The following ZC3H12D variants were observed in gnomAD, a reference collection of about 807,000 sequenced individuals.
The protein encoded by ZC3H12D is probable ribonuclease ZC3H12D.
A neutral mutation model predicts 24.2 loss-of-function variants in ZC3H12D; 11 were observed. That is an observed-to-expected ratio of 0.46 (90% confidence interval 0.29 to 0.75). The LOEUF (loss-of-function observed/expected upper bound fraction) is 0.75. ZC3H12D is among the 30% of genes least tolerant of loss of function. The pLI is 0.11. For missense variants in ZC3H12D, 740 were observed against 767.7 expected (o/e 0.96, Z 0.43); for synonymous variants, 333 against 341.8 (o/e 0.97, Z 0.28).
chr6:149,466,876 AAAAATAAAATAAAATAAAAT>A lies in ZC3H12D; in HGVS notation c.306-4926_306-4907del, dbSNP rs149349012. Among the ~76,000 whole-genome samples the A allele has an allele frequency of 8.9e-3, 1,272 of 142,950 alleles. 11 individuals carry two copies. Among genetic ancestry groups the A allele is most frequent in the African/African-American group, 0.021 (820 of 38,728 alleles). 93.8% of individuals were successfully genotyped at this position (142,950 alleles called of 152,430 possible). ...GGGTGACAGAGCAAGACTCCATCTCAAAAATAAAATAAAATAAAATAAAATAAAATAAAATAAAATAAAAT... is the reference window on the plus strand; with the variant it reads ...GGGTGACAGAGCAAGACTCCATCTCAAAAATAAAATAAAATAAAATAAAAT... On this transcript the variant is annotated intron_variant, in intron 2 of 5. Coordinates refer to ENST00000409806, the MANE Select transcript of ZC3H12D (RefSeq NM_207360.3).
At chr6:149,451,533 G>C in intron 5 of ZC3H12D, 54 bp from the exon 6 acceptor site, 1 of 1,456,682 alleles carries the variant, frequency 6.9e-7, no homozygotes, top group South Asian at 1.3e-5. Flanking sequence ...GGCGCGGAGG[G>C]GCGGTGGTTC....
chr6:149,472,915 G>A (rs1199508016), intron 2 of ZC3H12D, among the ~76,000 whole-genome samples: 1 of 152,118 alleles, frequency 6.6e-6, no homozygotes, highest in Non-Finnish European at 1.5e-5. Flanking sequence ...AGTCTTTCTA[G>A]GACCCTCAGA....
chr6:149,468,157 T>C (rs1168348881), intron 2 of ZC3H12D, among the ~76,000 whole-genome samples: 3 of 152,168 alleles, frequency 2.0e-5, no homozygotes, highest in African/African-American at 7.2e-5. Flanking sequence ...AATTTTGTAT[T>C]TTTAGTAGAG....
rs1275214340 is a variant in ZC3H12D, at chr6:149,451,227, G to A, written c.1040C>T (p.Ser347Phe). 1 of 1,303,820 alleles carries A rather than the reference G, an allele frequency of 7.7e-7. No homozygotes were observed. Among genetic ancestry groups the A allele is most frequent in the Admixed American group, 4.2e-5 (1 of 23,864 alleles). 80.8% of individuals were successfully genotyped at this position (1,303,820 alleles called of 1,614,324 possible). A position where few individuals can be genotyped will look rare whatever the true frequency, so the allele number is the denominator to read the frequency against. ...CAGGTCGTCGCTGAAGGCCAGCCGA[G>A]AGAAGCTCCCTCGCAGGGCGGCCAG... Reference protein sequence around the residue: ...PDLAALRGSFSRLAFSDDLGP... With the variant: ...PDLAALRGSFFRLAFSDDLGP... The change falls in exon 6 of 6, where the codon TCT (serine) becomes TTT (phenylalanine). Residue 347 changes from serine (S) to phenylalanine (F), a missense_variant. Coordinates refer to ENST00000409806, the MANE Select transcript of ZC3H12D (RefSeq NM_207360.3).
chr6:149,469,942 T>C (rs1232000005), intron 2 of ZC3H12D, among the ~76,000 whole-genome samples: 1 of 152,098 alleles, frequency 6.6e-6, no homozygotes, highest in Non-Finnish European at 1.5e-5. Flanking sequence ...GGAATGGTAA[T>C]GTCTGGGGGG....
Position 149,449,426 on chromosome 6 carries a change from A to T in ZC3H12D, c.*1257T>A, listed in dbSNP as rs1775839520. The T allele has an allele frequency of 6.6e-6, 1 of 151,720 alleles. No individual in the cohort carries two copies. The highest frequency in any genetic ancestry group is 2.1e-4 in the South Asian group (1 of 4,814). 9.4% of individuals were successfully genotyped at this position (151,720 alleles called of 1,614,324 possible). ...ACTACTATACTCCAGACAGAGTGACAGAGTGAGACTCTGTCTTTTTTTTTT... is the reference window on the plus strand; with the variant it reads ...ACTACTATACTCCAGACAGAGTGACTGAGTGAGACTCTGTCTTTTTTTTTT... On this transcript the variant is annotated 3_prime_UTR_variant, in exon 6 of 6. Coordinates refer to ENST00000409806, the MANE Select transcript of ZC3H12D (RefSeq NM_207360.3).
chr6:149,479,180 T>A (rs1398023797), intron 1 of ZC3H12D, among the ~76,000 whole-genome samples: 2 of 152,124 alleles, frequency 1.3e-5, no homozygotes, highest in Admixed American at 1.3e-4. Context: ...GACAATATAG[T>A]GAGATCCCAT....
chr6:149,456,781 C>T lies in ZC3H12D; in HGVS notation c.565G>A (p.Glu189Lys), dbSNP rs1448496988. Reference sequence around the variant, plus strand: ...TTGGAGACGATGACGCCGTCCTGCTCGTAGGCCACCTTCACGATGTAGCGG... The same window carrying T: ...TTGGAGACGATGACGCCGTCCTGCTTGTAGGCCACCTTCACGATGTAGCGG... ...DDRYIVKVAY[E>K]QDGVIVSNDN... The change falls in exon 4 of 6, where the codon GAG becomes AAG. Residue 189 changes from glutamate (E) to lysine (K), a missense_variant. Coordinates refer to ENST00000409806, the MANE Select transcript of ZC3H12D (RefSeq NM_207360.3). This position sits in a 1 kb window ranked among gnomAD's most constrained non-coding sequence, Gnocchi z 4.3. 6.2e-7 allele frequency: 1 copy of T among 1,613,696 alleles called. No homozygotes were observed. Among genetic ancestry groups the T allele is most frequent in the South Asian group, 1.1e-5 (1 of 91,088 alleles).
In ZC3H12D at chr6:149,449,756, A is replaced by G. The variant is rs1337055742; in HGVS notation, c.*927T>C. ...GCCGGGCCGAGACTCTGTCTGTTTA[A>G]AAAAAGAAGAAGAAGAAGAAGTAAA... On this transcript the variant is annotated 3_prime_UTR_variant, in exon 6 of 6. Coordinates refer to ENST00000409806, the MANE Select transcript of ZC3H12D (RefSeq NM_207360.3). 6.6e-6 allele frequency: 1 copy of G among 152,158 alleles called. No homozygotes were observed. Among genetic ancestry groups the G allele is most frequent in the Non-Finnish European group, 1.5e-5 (1 of 68,058 alleles). 9.4% of individuals were successfully genotyped at this position (152,158 alleles called of 1,614,324 possible).
chr6:149,468,883 G>C (rs942719337), intron 2 of ZC3H12D, among the ~76,000 whole-genome samples: 8 of 152,158 alleles, frequency 5.3e-5, no homozygotes, highest in African/African-American at 1.9e-4. Context: ...TTTCAAGCCT[G>C]ATCTCTCTCT....
rs752478248 is a variant in ZC3H12D, at chr6:149,456,618, C to T, written c.680+48G>A. On this transcript the variant is annotated intron_variant, in intron 4 of 5. Coordinates refer to ENST00000409806, the MANE Select transcript of ZC3H12D (RefSeq NM_207360.3). The surrounding 1 kb of genome is among the most constrained non-coding windows in gnomAD (Gnocchi z 4.3). The stretch of plus-strand genomic sequence containing the variant: ...GCGTGGCCACTGCCTCGACCCCGGC[C>T]CCCCGCCCCGCCGCCCCCCAGGGTG... 2.8e-4 allele frequency: 334 copies of T among 1,190,442 alleles called. 3 individuals are homozygous for T. The highest frequency in any genetic ancestry group is 3.9e-4 in the Non-Finnish European group (318 of 812,090). 73.7% of individuals were successfully genotyped at this position (1,190,442 alleles called of 1,614,324 possible).
chr6:149,467,206 C>T (rs1239644253), intron 2 of ZC3H12D, among the ~76,000 whole-genome samples: 1 of 152,202 alleles, frequency 6.6e-6, no homozygotes, highest in African/African-American at 2.4e-5. Context: ...TACTACAAGG[C>T]TCTGCACTGC....
At chr6:149,462,299 G>A (rs1242258630) in intron 2 of ZC3H12D, among the ~76,000 whole-genome samples, 3 of 151,986 alleles carry the variant, frequency 2.0e-5, no homozygotes, top group Non-Finnish European at 2.9e-5. Flanking sequence ...ACTTGAACCC[G>A]AAAGATGGAG....
rs977827658 is a variant in ZC3H12D, at chr6:149,461,956, T to A, written c.320A>T (p.Glu107Val). Residue 107 changes from glutamate to valine, a missense_variant, in exon 3 of 6, where the codon GAA becomes GTA. Physicochemically the swap from Glu to Val is moderately radical, Grantham distance 121 (BLOSUM62 -2). Coordinates refer to ENST00000409806, the MANE Select transcript of ZC3H12D (RefSeq NM_207360.3). ...SNVAMSHGNK[E>V]TFSCRGIKLA... is the part of the protein sequence containing the mutation. ...CTTGATTCCCCGGCAAGAGAAGGTTTCTTTATTTCCATGGCTACAATGGGA... is the reference window on the plus strand; with the variant it reads ...CTTGATTCCCCGGCAAGAGAAGGTTACTTTATTTCCATGGCTACAATGGGA... 2.5e-6 allele frequency: 4 copies of A among 1,611,866 alleles called. No homozygotes were observed. The highest frequency in any genetic ancestry group is 3.4e-6 in the Non-Finnish European group (4 of 1,179,084).
rs1300048246 is a variant in ZC3H12D, at chr6:149,474,576, C to T, written c.-33G>A. The T allele has an allele frequency of 6.3e-6, 9 of 1,438,166 alleles. No homozygotes were observed. Among genetic ancestry groups the T allele is most frequent in the Non-Finnish European group, 7.4e-6 (8 of 1,085,218 alleles). 89.1% of individuals were successfully genotyped at this position (1,438,166 alleles called of 1,614,324 possible). A position where few individuals can be genotyped will look rare whatever the true frequency, so the allele number is the denominator to read the frequency against. On this transcript the variant is annotated 5_prime_UTR_variant, in exon 2 of 6. Transcript: ENST00000409806. The stretch of plus-strand genomic sequence containing the variant: ...CCAGCGGCCACTGGCGCAGGTCCTG[C>T]CCCAGGCTTCCTCCTCTCAGAGCCC...
At chr6:149,469,444 C>T (rs1401882007) in intron 2 of ZC3H12D, among the ~76,000 whole-genome samples, 1 of 151,282 alleles carries the variant, frequency 6.6e-6, no homozygotes, top group Non-Finnish European at 1.5e-5. Context: ...GGCGACAGAG[C>T]GAGACTCCAT....
chr6:149,474,202 C>A (rs1421826490), intron 2 of ZC3H12D, 37 bp downstream of exon 2: 2 of 1,438,426 alleles, frequency 1.4e-6, no homozygotes, highest in East Asian at 2.4e-5. Context: ...CGAACAGGGG[C>A]CTCCCCAGCC....
At position 149,449,341 on chromosome 6, in the gene ZC3H12D, G is replaced by T. The variant is rs1186090276; in HGVS notation, c.*1342C>A. 6.6e-6 allele frequency: 1 copy of T among 152,526 alleles called. No individual in the cohort carries two copies. The highest frequency in any genetic ancestry group is 1.5e-5 in the Non-Finnish European group (1 of 68,286). 9.4% of individuals were successfully genotyped at this position (152,526 alleles called of 1,614,324 possible). ...TGTTTACAGTCCCAGTTACTCAGGA[G>T]GCTGAGGCAGGGGGATCACTTGAAT... On this transcript the variant is annotated 3_prime_UTR_variant, in exon 6 of 6. Transcript: ENST00000409806.
chr6:149,462,386 A>G (rs1347626239), intron 2 of ZC3H12D, among the ~76,000 whole-genome samples: 1 of 129,328 alleles, frequency 7.7e-6, no homozygotes, highest in African/African-American at 3.1e-5. Flanking sequence ...CAAAAAACAA[A>G]ACAAAACAAA....
Sources: gnomAD v4.1 joint callset for allele counts (sites outside exome capture counted in the v4.1 genomes callset) on GRCh38, gnomAD v4.1.1 for gene constraint, Gnocchi (gnomAD v3.1) non-coding constraint, MANE v1.5 for transcripts, NCBI Gene and HGNC (gene_info 2026-07-23, HGNC 2026-07-21) for gene names.